The following SIRT4 variants were observed in gnomAD, a reference collection of about 807,000 sequenced individuals.
The protein encoded by SIRT4 is sirtuin 4.
Under a neutral mutation model 26.1 loss-of-function variants are expected in SIRT4, and 23 were observed. The ratio of observed to expected loss-of-function variants is 0.88; its 90% CI spans 0.63 to 1.25. The LOEUF (loss-of-function observed/expected upper bound fraction) is 1.25. SIRT4 is among the 50% of genes most tolerant of loss of function. The pLI is 0.00. For synonymous variants in SIRT4, 155 were observed against 158.4 expected (o/e 0.98, Z 0.16); for missense variants, 361 against 405.4 (o/e 0.89, Z 0.94).
rs762414182 is a variant in SIRT4, at chr12:120,312,914, G to A, written c.823G>A (p.Ala275Thr). ...CTCTGGTTACAGGTTTATCCTCACT[G>A]CCTGGGAGAAGAAGCTCCCGATTGC... Reference protein sequence around the residue: ...VYSGYRFILTAWEKKLPIAIL... With the variant: ...VYSGYRFILTTWEKKLPIAIL... The change falls in exon 4 of 4, where the codon GCC becomes ACC. Residue 275 changes from alanine (A) to threonine (T), a missense_variant. Ala to Thr is a moderately conservative substitution (Grantham distance 58, BLOSUM62 0). Coordinates refer to ENST00000202967, the MANE Select transcript of SIRT4 (RefSeq NM_012240.3). 3 of 1,614,168 alleles carry A rather than the reference G, an allele frequency of 1.9e-6. No homozygotes were observed. Among genetic ancestry groups the A allele is most frequent in the Non-Finnish European group, 2.5e-6 (3 of 1,180,036 alleles).
At chr12:120,306,374 C>T (rs943488552) in intron 2 of SIRT4, among the ~76,000 whole-genome samples, 1 of 151,782 alleles carries the variant, frequency 6.6e-6, no homozygotes, top group Non-Finnish European at 1.5e-5. Context: ...ACTCGGGAGG[C>T]TTAGACAGGA....
At chr12:120,295,878 G>A in the SIRT4 span, among the ~76,000 whole-genome samples, 7 of 151,512 alleles carry the variant, frequency 4.6e-5, no homozygotes, top group African/African-American at 1.7e-4. Context: ...GTAACATGGC[G>A]ACATCCCTGT....
At chr12:120,312,405 T>G (rs376829225) in intron 2 of SIRT4, 51 bp from the exon 3 acceptor site, 15 of 1,527,752 alleles carry the variant, frequency 9.8e-6, no homozygotes, top group Non-Finnish European at 1.3e-5. Flanking sequence ...CTCTGACAGC[T>G]TTGTGCCTCC....
intron 2 of SIRT4, among the ~76,000 whole-genome samples, chr12:120,306,268 G>C (rs1872742233): frequency 6.6e-6 from 1 of 151,946 alleles, no homozygotes; most frequent in African/African-American, 2.4e-5. Context: ...CTGAGGTCAG[G>C]AGTTCGAGAC....
At chr12:120,293,059 A>AC in the SIRT4 span, 1 of 133,352 alleles carries the variant, frequency 7.5e-6, no homozygotes, top group African/African-American at 2.9e-5. Flanking sequence ...CCACACACAC[A>AC]AAAAAAGCCT....
the SIRT4 span, among the ~76,000 whole-genome samples, chr12:120,295,502 T>G: frequency 6.7e-6 from 1 of 148,428 alleles, no homozygotes; most frequent in Non-Finnish European, 1.5e-5. Flanking sequence ...CCTCAAGTGA[T>G]CTGCCTGCCT....
intron 2 of SIRT4, among the ~76,000 whole-genome samples, chr12:120,311,218 G>C (rs1221691337): frequency 6.6e-6 from 1 of 150,750 alleles, no homozygotes; most frequent in Non-Finnish European, 1.5e-5. Flanking sequence ...AGCCGGGCGT[G>C]GTGGTGCATG....
At chr12:120,296,241 G>A in the SIRT4 span, among the ~76,000 whole-genome samples, 4 of 149,278 alleles carry the variant, frequency 2.7e-5, no homozygotes, top group Non-Finnish European at 4.4e-5. Context: ...TTTTTGAGAC[G>A]GAGTCTCGCT....
intron 2 of SIRT4, among the ~76,000 whole-genome samples, chr12:120,306,672 G>A (rs1430975063): frequency 3.9e-5 from 6 of 151,948 alleles, no homozygotes; most frequent in Non-Finnish European, 5.9e-5. Context: ...GCATAGTGGC[G>A]CACGCCTGTA....
chr12:120,308,068 T>G (rs1592899445), intron 2 of SIRT4, among the ~76,000 whole-genome samples: 1 of 152,042 alleles, frequency 6.6e-6, no homozygotes, highest in African/African-American at 2.4e-5. Flanking sequence ...TGTTGCCTAG[T>G]CTGGTCTCGA....
chr12:120,311,983 A>C (rs147688704), intron 2 of SIRT4, among the ~76,000 whole-genome samples: 1 of 151,578 alleles, frequency 6.6e-6, no homozygotes, highest in Admixed American at 6.6e-5. Context: ...GAAGGAGTGT[A>C]TAGGAAGGAA....
chr12:120,300,505 G>A (rs1047822931), upstream of SIRT4, among the ~76,000 whole-genome samples: 1 of 152,034 alleles, frequency 6.6e-6, no homozygotes, highest in Non-Finnish European at 1.5e-5. Context: ...AAGTGCAGTC[G>A]CACAATTATG....
the SIRT4 span, among the ~76,000 whole-genome samples, chr12:120,293,397 G>T: frequency 3.9e-5 from 6 of 152,076 alleles, no homozygotes; most frequent in East Asian, 1.2e-3. Flanking sequence ...TCTGCATATC[G>T]TTGCTGATTT....
At chr12:120,299,615 G>C (rs1872473614), upstream of SIRT4, among the ~76,000 whole-genome samples, 1 of 152,018 alleles carries the variant, frequency 6.6e-6, no homozygotes, top group South Asian at 2.1e-4. Context: ...ACAGACCGAG[G>C]GCTATAGTGT....
chr12:120,301,150 T>G (rs1433449026), upstream of SIRT4, among the ~76,000 whole-genome samples: 2 of 152,002 alleles, frequency 1.3e-5, no homozygotes, highest in Non-Finnish European at 2.9e-5. Context: ...ATCAAGACCA[T>G]CCTGGCTAAC....
upstream of SIRT4, among the ~76,000 whole-genome samples, chr12:120,298,334 C>T (rs1422858175): frequency 2.0e-5 from 3 of 151,954 alleles, no homozygotes; most frequent in Admixed American, 6.6e-5. Context: ...ATCGGCCAGG[C>T]GCAGTAGCTC....
chr12:120,293,373 C>A, the SIRT4 span: 1 of 152,160 alleles, frequency 6.6e-6, no homozygotes, highest in African/African-American at 2.4e-5. Context: ...TGTTTGTGAC[C>A]TGCGTAGGTG....
rs781645317 is a variant in SIRT4, at chr12:120,312,764, C to T, written c.792+14C>T. On this transcript the variant is annotated intron_variant, in intron 3 of 3. Transcript: ENST00000202967. ...TCATCCTTGCAGGTATCTGACTTGG[C>T]AAGAGTGGTAACCACCCCTTGTGCG... 3 of 1,609,218 alleles carry T rather than the reference C, an allele frequency of 1.9e-6. No individual in the cohort carries two copies. In the Admixed American group the frequency reaches 5.0e-5, roughly 27 times the overall value.
At chr12:120,302,974 C>T (rs1305401567) in intron 1 of SIRT4, among the ~76,000 whole-genome samples, 6 of 151,416 alleles carry the variant, frequency 4.0e-5, no homozygotes, top group Admixed American at 2.0e-4. Flanking sequence ...CTGCCTGCGT[C>T]GGCCTCCCAA....
Sources: gnomAD v4.1 joint callset for allele counts (sites outside exome capture counted in the v4.1 genomes callset) on GRCh38, gnomAD v4.1.1 for gene constraint, MANE v1.5 for transcripts, NCBI Gene and HGNC (gene_info 2026-07-23, HGNC 2026-07-21) for gene names.